Variants in PRAMEF11 observed in about 807,000 individuals in gnomAD.
PRAMEF11 encodes PRAME family member 11.
Under a neutral mutation model 33.6 loss-of-function variants are expected in PRAMEF11, and 17 were observed. The observed-to-expected ratio is 0.51, with a 90% CI of 0.35 to 0.76. The LOEUF is 0.76. PRAMEF11 is among the 30% of genes least tolerant of loss of function. The pLI is 0.01. For missense variants in PRAMEF11, 568 were observed against 567.0 expected (o/e 1.00, Z -0.02); for synonymous variants, 205 against 227.3 (o/e 0.90, Z 0.88).
intron 3 of PRAMEF11, among the ~76,000 whole-genome samples, chr1:12,826,237 C>T (rs1423806415): frequency 2.0e-5 from 3 of 151,026 alleles, no homozygotes; most frequent in Non-Finnish European, 3.0e-5. Context: ...CTATCACTTT[C>T]ATCATTCTTT....
chr1:12,826,514 C>G (rs1335233710), intron 3 of PRAMEF11, among the ~76,000 whole-genome samples: 5 of 151,150 alleles, frequency 3.3e-5, no homozygotes, highest in Non-Finnish European at 5.9e-5. Context: ...ATAATCCCAG[C>G]ACTTTGGGAG....
Position 12,828,697 on chromosome 1 carries a change from C to T in PRAMEF11, c.93G>A (p.Glu31=), listed in dbSNP as rs760190697. The T allele has an allele frequency of 2.5e-6, 4 of 1,610,544 alleles. No individual in the cohort carries two copies. The highest frequency in any genetic ancestry group is 2.2e-5 in the East Asian group (1 of 44,456). The change falls in exon 2 of 4, where the codon GAG becomes GAA. Residue 31 remains glutamate (E), a synonymous_variant. Transcript: ENST00000619922. ...RDQALAVSTL[E]ELPTELFPPL... ...GGGGGAAAAGTTCCGTGGGCAGCTC[C>T]TCCAGGGTGGAGACGGCCAAGGCTT...
rs760310640 is a variant in PRAMEF11, at chr1:12,825,125, CG to C, written c.1253del (p.Pro418ArgfsTer23). ...KNLCLELYPA[P>X]QESYGADGTL... ...TACCATCAGCACCATAACTTTCCTG[CG>C]GGGCAGGATACAGCTCCAGGCATAA... On this transcript the variant is annotated frameshift_variant, in exon 4 of 4. Transcript: ENST00000619922. LOFTEE classifies it high-confidence loss of function. 2 of 1,609,446 alleles carry C rather than the reference CG, an allele frequency of 1.2e-6. No homozygotes were observed. The highest frequency in any genetic ancestry group is 1.7e-6 in the Non-Finnish European group (2 of 1,177,718).
Position 12,828,571 on chromosome 1 carries a change from C to G in PRAMEF11, c.219G>C (p.Lys73Asn). 1.9e-6 allele frequency: 3 copies of G among 1,606,402 alleles called. No individual in the cohort carries two copies. Among genetic ancestry groups the G allele is most frequent in the African/African-American group, 1.3e-5 (1 of 74,328 alleles). Residue 73 changes from lysine to asparagine, a missense_variant, in exon 2 of 4, where the codon AAG becomes AAC. Physicochemically the swap from Lys to Asn is moderately conservative, Grantham distance 94. Coordinates refer to ENST00000619922, the MANE Select transcript of PRAMEF11 (RefSeq NM_001146344.3). The stretch of plus-strand genomic sequence containing the variant: ...CTTGGAAGGCCTCCAGACAAGGCAT[C>G]TTTATCAGAGGCCTCAGAGGGAGGC... The part of the protein sequence containing the change: ...FRRLPLRPLI[K>N]MPCLEAFQAV...
Position 12,828,689 on chromosome 1 carries a change from G to A in PRAMEF11, c.101C>T (p.Pro34Leu), listed in dbSNP as rs1347031273. The A allele has an allele frequency of 1.9e-6, 3 of 1,610,422 alleles. No individual in the cohort carries two copies. Among genetic ancestry groups the A allele is most frequent in the East Asian group, 2.2e-5 (1 of 44,460 alleles). The change falls in exon 2 of 4, where the codon CCC becomes CTC. Residue 34 changes from proline (P) to leucine (L), a missense_variant. Physicochemically the swap from Pro to Leu is moderately conservative, Grantham distance 98. Coordinates refer to ENST00000619922, the MANE Select transcript of PRAMEF11 (RefSeq NM_001146344.3). ...GAACAGTGGGGGGAAAAGTTCCGTGGGCAGCTCCTCCAGGGTGGAGACGGC... is the reference window on the plus strand; with the variant it reads ...GAACAGTGGGGGGAAAAGTTCCGTGAGCAGCTCCTCCAGGGTGGAGACGGC... ...ALAVSTLEELPTELFPPLFME... is the reference protein window; with the variant it reads ...ALAVSTLEELLTELFPPLFME...
rs759601087 is a variant in PRAMEF11, at chr1:12,827,371, G to A, written c.753C>T (p.Ser251=). Residue 251 remains serine, a synonymous_variant, in exon 3 of 4, where the codon TCC becomes TCT. Coordinates refer to ENST00000619922, the MANE Select transcript of PRAMEF11 (RefSeq NM_001146344.3). ...TAACAATCTCCTTCTTCTGCTCTGG[G>A]GAAACGTAGCGAGAGACATCCATGT... ...LSHMDVSRYV[S]PEQKKEIVTQ... is the part of the protein sequence containing the mutation. 2 of 1,601,262 alleles carry A rather than the reference G, an allele frequency of 1.2e-6. No individual in the cohort carries two copies. The highest frequency in any genetic ancestry group is 1.3e-5 in the African/African-American group (1 of 74,612).
intron 3 of PRAMEF11, among the ~76,000 whole-genome samples, chr1:12,826,788 T>C (rs538549367): frequency 1.3e-5 from 2 of 148,768 alleles, no homozygotes; most frequent in Admixed American, 6.7e-5. Context: ...CTTGTTTGAT[T>C]TTACTTTTAT....
chr1:12,825,063 T>A lies in PRAMEF11; in HGVS notation c.1316A>T (p.Glu439Val). The change falls in exon 4 of 4, where the codon GAG becomes GTG. Residue 439 changes from glutamate to valine, a missense_variant. Physicochemically the swap from Glu to Val is moderately radical, Grantham distance 121. Coordinates refer to ENST00000619922, the MANE Select transcript of PRAMEF11 (RefSeq NM_001146344.3). ...CWSRFAQIRA[E>V]LMKKVRHLRH... The stretch of plus-strand genomic sequence containing the variant: ...TAAGTGCCTCACTTTCTTCATCAGC[T>A]CAGCCCTAATTTGAGCAAATCTGCT... 6.2e-7 allele frequency: 1 copy of A among 1,609,746 alleles called. No homozygotes were observed.
intron 1 of PRAMEF11, among the ~76,000 whole-genome samples, chr1:12,830,454 C>T (rs1424296380): frequency 6.6e-6 from 1 of 151,336 alleles, no homozygotes; most frequent in Non-Finnish European, 1.5e-5. Context: ...ACAGCCATGT[C>T]TCCATTTGGG....
rs4026356 is a variant in PRAMEF11, at chr1:12,825,013, A to G, written c.1366T>C (p.Cys456Arg). 1 of 1,609,092 alleles carries G rather than the reference A, an allele frequency of 6.2e-7. No individual in the cohort carries two copies. Among genetic ancestry groups the G allele is most frequent in the South Asian group, 1.1e-5 (1 of 90,486 alleles). Reference protein sequence around the residue: ...HLRHPKRILFCTDNCPDHGDR... With the variant: ...HLRHPKRILFRTDNCPDHGDR... The stretch of plus-strand genomic sequence containing the variant: ...CCATGGTCAGGGCAGTTGTCAGTAC[A>G]GAACAAGATCCTCTTGGGGTGCCTT... Residue 456 changes from cysteine to arginine, a missense_variant, in exon 4 of 4, where the codon TGT becomes CGT. Cys to Arg is a radical substitution (Grantham distance 180, BLOSUM62 -3). This residue lies in a region of PRAMEF11 where 174 missense variants were observed against 127.2 expected (regional missense o/e 1.37). Coordinates refer to ENST00000619922, the MANE Select transcript of PRAMEF11 (RefSeq NM_001146344.3).
chr1:12,829,357 T>C (rs1450783222), intron 1 of PRAMEF11, among the ~76,000 whole-genome samples: 1 of 149,946 alleles, frequency 6.7e-6, no homozygotes, highest in African/African-American at 2.4e-5. Context: ...CTTTCTTGTC[T>C]TCTTTCCCTG....
In PRAMEF11 at chr1:12,825,021, A is replaced by T; in HGVS notation, c.1358T>A (p.Ile453Asn). The change falls in exon 4 of 4, where the codon ATC becomes AAC. Residue 453 changes from isoleucine (I) to asparagine (N), a missense_variant. Ile to Asn is a moderately radical substitution (Grantham distance 149, BLOSUM62 -3). Transcript: ENST00000619922. The part of the protein sequence containing the change: ...KVRHLRHPKR[I>N]LFCTDNCPDH... The stretch of plus-strand genomic sequence containing the variant: ...AGGGCAGTTGTCAGTACAGAACAAG[A>T]TCCTCTTGGGGTGCCTTAAGTGCCT... The T allele has an allele frequency of 6.2e-7, 1 of 1,609,776 alleles. No homozygotes were observed. Among genetic ancestry groups the T allele is most frequent in the Non-Finnish European group, 8.5e-7 (1 of 1,177,732 alleles).
At chr1:12,828,848 C>T in intron 1 of PRAMEF11, 43 bp from the exon 2 acceptor site, 2 of 1,603,344 alleles carry the variant, frequency 1.2e-6, no homozygotes, top group Non-Finnish European at 1.7e-6. Context: ...ACTCTCAGGC[C>T]AAGCCCATGC....
rs202156326 is a variant in PRAMEF11 at position 12,828,537 on chromosome 1, C to T, written c.253G>A (p.Asp85Asn). The T allele has an allele frequency of 2.0e-3, 3,179 of 1,603,294 alleles. 125 individuals carry two copies. In the African/African-American group the frequency reaches 0.038, roughly 19 times the overall value. ...TGGGTAAGCAGTGCATCCAGCCCAT[C>T]GAGCACAGCTTGGAAGGCCTCCAGA... ...PCLEAFQAVLDGLDALLTQGV... is the reference protein window; with the variant it reads ...PCLEAFQAVLNGLDALLTQGV... The change falls in exon 2 of 4, where the codon GAT (aspartate) becomes AAT (asparagine). Residue 85 changes from aspartate to asparagine, a missense_variant. Physicochemically the swap from Asp to Asn is conservative, Grantham distance 23. Around this residue, in one of 3 missense-constraint regions of PRAMEF11, gnomAD observed 342 missense variants for 312.0 expected, o/e 1.10. Transcript: ENST00000619922.
intron 3 of PRAMEF11, among the ~76,000 whole-genome samples, chr1:12,826,172 C>T (rs1373718565): frequency 1.3e-5 from 2 of 150,998 alleles, no homozygotes; most frequent in African/African-American, 2.4e-5. Flanking sequence ...GCAACATCAG[C>T]TGGGGTGGGC....
rs933008480 is a variant in PRAMEF11, at chr1:12,828,244, T to C, written c.293+253A>G. 6.8e-5 allele frequency among the ~76,000 whole-genome samples: 10 copies of C among 146,842 alleles called. 1 individual carries two copies. The highest frequency in any genetic ancestry group is 2.3e-4 in the African/African-American group (9 of 39,136). ...AGCCTCCCAATGGGCTGGGATTACATTGTGAGCCACCGTGCCCGGCCCAGT... is the reference window on the plus strand; with the variant it reads ...AGCCTCCCAATGGGCTGGGATTACACTGTGAGCCACCGTGCCCGGCCCAGT... On this transcript the variant is annotated intron_variant, in intron 2 of 3. Coordinates refer to ENST00000619922, the MANE Select transcript of PRAMEF11 (RefSeq NM_001146344.3).
rs549132128 is a variant in PRAMEF11, at chr1:12,831,011, A to T, written c.-17+345T>A. Among the ~76,000 whole-genome samples, 401 of 150,380 alleles carry T rather than the reference A, an allele frequency of 2.7e-3. 9 individuals carry two copies. The highest frequency in any genetic ancestry group is 9.5e-3 in the African/African-American group (390 of 41,100). On this transcript the variant is annotated intron_variant, in intron 1 of 3. Coordinates refer to ENST00000619922, the MANE Select transcript of PRAMEF11 (RefSeq NM_001146344.3). ...CCATCCCCACCCTCAAAAAAAAAAAAAAACGTTGTGTAGAGGAGGGCTTTT... is the reference window on the plus strand; with the variant it reads ...CCATCCCCACCCTCAAAAAAAAAAATAAACGTTGTGTAGAGGAGGGCTTTT...
chr1:12,825,030 G>C lies in PRAMEF11; in HGVS notation c.1349C>G (p.Pro450Arg). 1 of 1,609,660 alleles carries C rather than the reference G, an allele frequency of 6.2e-7. No individual in the cohort carries two copies. Among genetic ancestry groups the C allele is most frequent in the Non-Finnish European group, 8.5e-7 (1 of 1,177,718 alleles). Residue 450 changes from proline (P) to arginine (R), a missense_variant, in exon 4 of 4, where the codon CCC (proline) becomes CGC (arginine). Physicochemically the swap from Pro to Arg is moderately radical, Grantham distance 103. This residue lies in a region of PRAMEF11 where 174 missense variants were observed against 127.2 expected (regional missense o/e 1.37). Coordinates refer to ENST00000619922, the MANE Select transcript of PRAMEF11 (RefSeq NM_001146344.3). Reference sequence around the variant, plus strand: ...GTCAGTACAGAACAAGATCCTCTTGGGGTGCCTTAAGTGCCTCACTTTCTT... The same window carrying C: ...GTCAGTACAGAACAAGATCCTCTTGCGGTGCCTTAAGTGCCTCACTTTCTT... ...LMKKVRHLRH[P>R]KRILFCTDNC...
chr1:12,825,850 T>C (rs1639853224), intron 3 of PRAMEF11, among the ~76,000 whole-genome samples: 1 of 150,566 alleles, frequency 6.6e-6, no homozygotes, highest in Non-Finnish European at 1.5e-5. Context: ...GGCGGGAGCC[T>C]GCAATTCCAG....
Sources: allele counts gnomAD v4.1 joint callset (sites outside exome capture counted in the v4.1 genomes callset), GRCh38; gene constraint gnomAD v4.1.1; regional missense constraint gnomAD v4.1.1; transcripts MANE v1.5; gene names NCBI Gene and HGNC (gene_info 2026-07-23, HGNC 2026-07-21).